The following PRUNE2 variants were observed in gnomAD, a reference collection of about 807,000 sequenced individuals.
PRUNE2 encodes the protein prune homolog 2 with BCH domain.
A neutral mutation model predicts 252.0 loss-of-function variants in PRUNE2; 164 were observed. The ratio of observed to expected loss-of-function variants is 0.65; its 90% CI spans 0.57 to 0.74. PRUNE2 has a LOEUF of 0.74. PRUNE2 is among the 30% of genes least tolerant of loss of function. PRUNE2 has a pLI of 0.00. For missense variants in PRUNE2, 3,495 were observed against 3,711.0 expected, an observed-to-expected ratio of 0.94 and a Z score of 1.51; for synonymous variants, 1,292 against 1,350.2, an observed-to-expected ratio of 0.96 and a Z score of 0.94.
chr9:76,831,098 T>G (rs967050358), intron 4 of PRUNE2, among the ~76,000 whole-genome samples: 2 of 151,934 alleles, frequency 1.3e-5, no homozygotes, highest in Non-Finnish European at 2.9e-5. Context: ...CCCAGCTAAT[T>G]TTTTGTATTT....
chr9:76,780,421 C>T (rs547840771), intron 6 of PRUNE2, among the ~76,000 whole-genome samples: 1 of 152,296 alleles, frequency 6.6e-6, no homozygotes, highest in South Asian at 2.1e-4. Context: ...GGCACGATGG[C>T]TCACGCCTGT....
intron 6 of PRUNE2, chr9:76,739,093 C>G (rs1186372128): frequency 6.6e-6 from 1 of 152,186 alleles, no homozygotes; most frequent in Non-Finnish European, 1.5e-5. Flanking sequence ...CTCAACCAAA[C>G]TACATTACGC....
Position 76,705,176 on chromosome 9 carries a change from C to G in PRUNE2, c.7098G>C (p.Leu2366=), listed in dbSNP as rs775733930. ...VMGQNIDEDL[L]REPEHFLYGG... ...CATACAGGAAGTGTTCAGGCTCTCT[C>G]AGTAAATCTTCATCGATATTCTGGC... Residue 2366 remains leucine (L), a synonymous_variant, in exon 8 of 19, where the codon CTG becomes CTC. Transcript: ENST00000376718. 6.2e-7 allele frequency: 1 copy of G among 1,614,020 alleles called. No homozygotes were observed. Among genetic ancestry groups the G allele is most frequent in the Non-Finnish European group, 8.5e-7 (1 of 1,179,890 alleles).
At chr9:76,823,756 G>T in intron 5 of PRUNE2, 30 bp from the exon 6 acceptor site, 2 of 1,366,516 alleles carry the variant, frequency 1.5e-6, no homozygotes, top group Admixed American at 1.8e-5. Context: ...AAAACATTAT[G>T]TTATACTTGA....
chr9:76,704,611 G>A (rs2046173088), intron 8 of PRUNE2, 150 bp downstream of exon 8: 2 of 615,320 alleles, frequency 3.3e-6, no homozygotes, highest in Non-Finnish European at 5.7e-6. Context: ...TTTTACTGCT[G>A]TTATAATACA....
intron 6 of PRUNE2, among the ~76,000 whole-genome samples, chr9:76,817,049 T>C (rs2057739154): frequency 6.6e-6 from 1 of 152,158 alleles, no homozygotes; most frequent in Non-Finnish European, 1.5e-5. Flanking sequence ...ATTAAAATGA[T>C]TTTTTCAGGA....
Position 76,619,371 on chromosome 9 carries a change from T to G in PRUNE2, c.9205A>C (p.Asn3069His). The change falls in exon 18 of 19, where the codon AAT becomes CAT. Residue 3069 changes from asparagine to histidine, a missense_variant. Transcript: ENST00000376718. ...SEAAKTSCLY[N>H]DPEMSSMEKD... is the part of the protein sequence containing the mutation. Reference sequence around the variant, plus strand: ...TCCATAGAAGACATTTCTGGATCATTGTAAAGGCAGCTAGTTCTGAGTGCA... The same window carrying G: ...TCCATAGAAGACATTTCTGGATCATGGTAAAGGCAGCTAGTTCTGAGTGCA... 1 of 1,606,904 alleles carries G rather than the reference T, an allele frequency of 6.2e-7. No individual in the cohort carries two copies. The highest frequency in any genetic ancestry group is 8.5e-7 in the Non-Finnish European group (1 of 1,175,736).
intron 1 of PRUNE2, among the ~76,000 whole-genome samples, chr9:76,870,800 TATCCCCATAACTGAAGCAA>T (rs2061154714): frequency 6.7e-6 from 1 of 149,962 alleles, no homozygotes; most frequent in African/African-American, 2.5e-5. Flanking sequence ...GACATCATCA[TATCCCCATAACTGAAGCAA>T]ATCCCCATAA....
At chr9:76,837,474 T>C (rs1589491275) in intron 4 of PRUNE2, among the ~76,000 whole-genome samples, 2 of 47,444 alleles carry the variant, frequency 4.2e-5, no homozygotes, top group Non-Finnish European at 8.2e-5. Flanking sequence ...ATAATAATAA[T>C]AATGCTATTA....
intron 4 of PRUNE2, among the ~76,000 whole-genome samples, chr9:76,836,925 C>T (rs776808525): frequency 2.6e-5 from 4 of 152,078 alleles, no homozygotes; most frequent in Admixed American, 6.5e-5. Flanking sequence ...ATCTTTTTAA[C>T]GACATCCGTA....
At chr9:76,752,481 C>T (rs895738825) in intron 6 of PRUNE2, among the ~76,000 whole-genome samples, 2 of 152,168 alleles carry the variant, frequency 1.3e-5, no homozygotes, top group Non-Finnish European at 2.9e-5. Flanking sequence ...AGACGGGAAG[C>T]TCATGACCAC....
At chr9:76,696,637 G>C (rs371984260) in intron 9 of PRUNE2, among the ~76,000 whole-genome samples, 127 of 152,290 alleles carry the variant, frequency 8.3e-4, no homozygotes, top group African/African-American at 2.4e-3. Context: ...TGTTGGCCAG[G>C]ATGGTCTCAA....
At chr9:76,807,774 A>G (rs564351682) in intron 6 of PRUNE2, among the ~76,000 whole-genome samples, 6 of 152,310 alleles carry the variant, frequency 3.9e-5, no homozygotes, top group South Asian at 4.1e-4. Flanking sequence ...TTCCCTTTAC[A>G]ATTAGGGAGA....
chr9:76,650,991 G>T (rs1847155623), intron 11 of PRUNE2, among the ~76,000 whole-genome samples: 1 of 152,140 alleles, frequency 6.6e-6, no homozygotes, highest in African/African-American at 2.4e-5. Flanking sequence ...GCTGGTAGGG[G>T]CAACTGGGAT....
At chr9:76,895,775 A>G (rs1195299779) in intron 1 of PRUNE2, among the ~76,000 whole-genome samples, 1 of 151,256 alleles carries the variant, frequency 6.6e-6, no homozygotes, top group Non-Finnish European at 1.5e-5. Flanking sequence ...ATCTGCCTCT[A>G]TTTTATTTAT....
Position 76,823,609 on chromosome 9 carries a change from TAAA to T in PRUNE2, c.756+20_756+22del. The T allele has an allele frequency of 7.1e-7, 1 of 1,407,320 alleles. No individual in the cohort carries two copies. The highest frequency in any genetic ancestry group is 1.0e-6 in the Non-Finnish European group (1 of 991,618). 87.2% of individuals were successfully genotyped at this position (1,407,320 alleles called of 1,614,324 possible). ...GCAATTGTGGGAAATCAATCAATGC[TAAA>T]AAAGCATTCCCACCCTTACCTCAAG... is the stretch of plus-strand genomic sequence containing the variant. On this transcript the variant is annotated intron_variant, in intron 6 of 18. Transcript: ENST00000376718.
At chr9:76,793,321 C>A (rs11145067) in intron 6 of PRUNE2, among the ~76,000 whole-genome samples, 3 of 151,964 alleles carry the variant, frequency 2.0e-5, no homozygotes, top group African/African-American at 7.3e-5. Context: ...CGTTATTAAC[C>A]CAAGAGGAGG....
chr9:76,854,313 A>G, intron 1 of PRUNE2, 105 bp from the exon 2 acceptor site: 1 of 496,480 alleles, frequency 2.0e-6, no homozygotes, highest in Non-Finnish European at 3.6e-6. Flanking sequence ...TTGATACACA[A>G]TGGCAGAGAA....
chr9:76,698,132 C>T (rs2045559958), intron 9 of PRUNE2, among the ~76,000 whole-genome samples: 2 of 149,886 alleles, frequency 1.3e-5, no homozygotes, highest in East Asian at 4.0e-4. Flanking sequence ...CTGCAACCTC[C>T]GCCTCCTGGG....
Sources: allele counts gnomAD v4.1 joint callset (sites outside exome capture counted in the v4.1 genomes callset), GRCh38; gene constraint gnomAD v4.1.1; transcripts MANE v1.5; gene names NCBI Gene and HGNC (gene_info 2026-07-23, HGNC 2026-07-21).